The following PIAS1 variants were observed in gnomAD, a reference collection of about 807,000 sequenced individuals.
PIAS1 encodes protein inhibitor of activated STAT 1, also known as E3 SUMO-protein ligase PIAS1.
PIAS1 carries 6 observed loss-of-function variants against 71.3 expected under a neutral mutation model. The ratio of observed to expected loss-of-function variants is 0.08; its 90% confidence interval spans 0.05 to 0.17. The LOEUF (loss-of-function observed/expected upper bound fraction) is 0.17. PIAS1 is among the 10% of genes least tolerant of loss of function. The pLI is 1.00. For missense variants in PIAS1, 555 were observed against 793.6 expected (o/e 0.70, Z 3.61); for synonymous variants, 303 against 292.9 (o/e 1.03, Z -0.35).
At chr15:68,110,641 A>G (rs183887357) in intron 2 of PIAS1, among the ~76,000 whole-genome samples, 1 of 152,170 alleles carries the variant, frequency 6.6e-6, no homozygotes, top group African/African-American at 2.4e-5. Context: ...GCGTGCCTGT[A>G]GTCCCACCTA....
intron 1 of PIAS1, among the ~76,000 whole-genome samples, chr15:68,085,842 T>C (rs1415226505): frequency 6.6e-6 from 1 of 152,230 alleles, no homozygotes; most frequent in Non-Finnish European, 1.5e-5. Context: ...GCTATTGATA[T>C]CCTGCCTACA....
At chr15:68,152,063 C>T (rs931940198) in intron 6 of PIAS1, among the ~76,000 whole-genome samples, 2 of 145,724 alleles carry the variant, frequency 1.4e-5, no homozygotes, top group African/African-American at 5.0e-5. Flanking sequence ...CATTCTCCTG[C>T]CCCAGGCTCC....
chr15:68,073,977 A>G lies in PIAS1; in HGVS notation c.25-12329A>G, dbSNP rs140442294. On this transcript the variant is annotated intron_variant, in intron 1 of 13. Coordinates refer to ENST00000249636, the MANE Select transcript of PIAS1 (RefSeq NM_016166.3). Reference sequence around the variant, plus strand: ...TGACAGGACTTGGTAAATAGATTGGAGGTGAACAAGAAGATGGTGTAGCAG... The same window carrying G: ...TGACAGGACTTGGTAAATAGATTGGGGGTGAACAAGAAGATGGTGTAGCAG... 5.4e-3 allele frequency among the ~76,000 whole-genome samples: 820 copies of G among 152,274 alleles called. 11 individuals carry two copies. The highest frequency in any genetic ancestry group is 0.019 in the African/African-American group (797 of 41,546).
intron 1 of PIAS1, among the ~76,000 whole-genome samples, chr15:68,056,273 C>A (rs921912950): frequency 1.2e-4 from 18 of 152,200 alleles, no homozygotes; most frequent in African/African-American, 4.3e-4. Context: ...ACTCTTGATG[C>A]TGTCCAAAGA....
intron 2 of PIAS1, among the ~76,000 whole-genome samples, chr15:68,120,302 T>G (rs2092602817): frequency 6.6e-6 from 1 of 152,218 alleles, no homozygotes; most frequent in Non-Finnish European, 1.5e-5. Context: ...TTAATTGGGT[T>G]ATTTAGACTA....
chr15:68,087,155 T>G (rs2092290480), intron 2 of PIAS1, among the ~76,000 whole-genome samples: 1 of 151,980 alleles, frequency 6.6e-6, no homozygotes, highest in Non-Finnish European at 1.5e-5. Flanking sequence ...TTTAAATGAG[T>G]GAATGGTTTT....
intron 8 of PIAS1, among the ~76,000 whole-genome samples, chr15:68,166,557 C>T (rs772716495): frequency 1.3e-5 from 2 of 151,956 alleles, no homozygotes; most frequent in African/African-American, 4.8e-5. Flanking sequence ...TCAGAAAATA[C>T]GTTTAGAAAA....
chr15:68,142,452 T>C (rs2092777658), intron 4 of PIAS1, 115 bp downstream of exon 4: 1 of 782,850 alleles, frequency 1.3e-6, no homozygotes, highest in Admixed American at 2.6e-5. Context: ...GTTTAAAAGA[T>C]AATATTCCTT....
intron 1 of PIAS1, among the ~76,000 whole-genome samples, chr15:68,056,516 AG>A (rs1254614025): frequency 6.6e-6 from 1 of 152,070 alleles, no homozygotes; most frequent in East Asian, 1.9e-4. Flanking sequence ...TTCCAGAGGA[AG>A]TTTTTTTTTT....
At chr15:68,149,341 TTTTTAAACATTCTTTC>T (rs1485990015) in intron 6 of PIAS1, among the ~76,000 whole-genome samples, 3 of 151,736 alleles carry the variant, frequency 2.0e-5, no homozygotes, top group Non-Finnish European at 4.4e-5. Flanking sequence ...TTTTTTTTTT[TTTTTAAACATTCTTTC>T]TTCCAGATAA....
rs1173126380 is a variant in PIAS1, at chr15:68,173,490, G to A, written c.1009-242G>A. On this transcript the variant is annotated intron_variant, in intron 8 of 13. Transcript: ENST00000249636. The surrounding 1 kb of genome is among the most constrained non-coding windows in gnomAD (Gnocchi z 4.3). ...GCTGATCTGTGAGCTGTGGATTTTA[G>A]TAAATAACCCTTGTTGTAGACTTTC... Among the ~76,000 whole-genome samples the A allele has an allele frequency of 4.6e-5, 7 of 152,278 alleles. No homozygotes were observed. Among genetic ancestry groups the A allele is most frequent in the East Asian group, 1.9e-4 (1 of 5,176 alleles).
intron 2 of PIAS1, among the ~76,000 whole-genome samples, chr15:68,101,178 G>A (rs1348778631): frequency 1.3e-5 from 2 of 152,118 alleles, no homozygotes; most frequent in African/African-American, 4.8e-5. Flanking sequence ...AGGATTACAG[G>A]TGTGAGCCAC....
intron 2 of PIAS1, among the ~76,000 whole-genome samples, chr15:68,104,634 G>GA (rs1225812371): frequency 2.0e-5 from 3 of 152,110 alleles, no homozygotes; most frequent in Non-Finnish European, 4.4e-5. Context: ...TTACCAGAGG[G>GA]AGACTGTAGT....
rs2093127722 is a variant in PIAS1, at chr15:68,193,105, A to G, written c.*5270A>G. The G allele has an allele frequency of 6.6e-6, 1 of 152,240 alleles. No homozygotes were observed. The highest frequency in any genetic ancestry group is 6.5e-5 in the Admixed American group (1 of 15,270). The allele number at this position is 152,240 out of a possible 1,614,324, so 9.4% of individuals were successfully genotyped here. On this transcript the variant is annotated 3_prime_UTR_variant, in exon 14 of 14. Coordinates refer to ENST00000249636, the MANE Select transcript of PIAS1 (RefSeq NM_016166.3). ...GTTACATCCCCTTATTTCTCTCCGTAAGTCCTGGGGAGGTGGCTTAAGGCA... is the reference window on the plus strand; with the variant it reads ...GTTACATCCCCTTATTTCTCTCCGTGAGTCCTGGGGAGGTGGCTTAAGGCA...
At chr15:68,179,348 T>G (rs1218598619) in intron 11 of PIAS1, among the ~76,000 whole-genome samples, 2 of 152,152 alleles carry the variant, frequency 1.3e-5, no homozygotes, top group Non-Finnish European at 2.9e-5. Context: ...AATCCTCTCT[T>G]ATAATCTCTT....
chr15:68,100,337 A>G (rs948725758), intron 2 of PIAS1, among the ~76,000 whole-genome samples: 1 of 152,170 alleles, frequency 6.6e-6, no homozygotes, highest in African/African-American at 2.4e-5. Context: ...GATTTATCAC[A>G]TGTAACTACC....
Position 68,174,292 on chromosome 15 carries a change from A to G in PIAS1, c.1169+400A>G, listed in dbSNP as rs1178966339. On this transcript the variant is annotated intron_variant, in intron 9 of 13. Coordinates refer to ENST00000249636, the MANE Select transcript of PIAS1 (RefSeq NM_016166.3). This position sits in a 1 kb window ranked among gnomAD's most constrained non-coding sequence, Gnocchi z 4.0. ...CATCCAAAATTGGGCTTTTCAATAG[A>G]AGTTAGCCTATTTCTGGAGATTAGA... Among the ~76,000 whole-genome samples, 1 of 152,190 alleles carries G rather than the reference A, an allele frequency of 6.6e-6. No individual in the cohort carries two copies. The highest frequency in any genetic ancestry group is 1.5e-5 in the Non-Finnish European group (1 of 68,044).
chr15:68,185,010 A>G lies in PIAS1; in HGVS notation c.1662+1343A>G, dbSNP rs1274288533. ...TGCTGTGCCAGCAAAATGGAGAAGT[A>G]CTGTTGAGAGAGTAACATACTTTTC... On this transcript the variant is annotated intron_variant, in intron 13 of 13. Transcript: ENST00000249636. The surrounding 1 kb of genome is among the most constrained non-coding windows in gnomAD (Gnocchi z 4.4). 1 of 153,278 alleles carries G rather than the reference A, an allele frequency of 6.5e-6. No individual in the cohort carries two copies. Among genetic ancestry groups the G allele is most frequent in the Admixed American group, 6.5e-5 (1 of 15,286 alleles). 9.5% of individuals were successfully genotyped at this position (153,278 alleles called of 1,614,324 possible). A position where few individuals can be genotyped will look rare whatever the true frequency, so the allele number is the denominator to read the frequency against.
chr15:68,153,364 T>G (rs922280312), intron 6 of PIAS1, among the ~76,000 whole-genome samples: 2 of 152,160 alleles, frequency 1.3e-5, no homozygotes, highest in African/African-American at 4.8e-5. Flanking sequence ...TTCTTTTACT[T>G]CTCTGTACTT....
Sources: gnomAD v4.1 joint callset for allele counts (sites outside exome capture counted in the v4.1 genomes callset) on GRCh38, gnomAD v4.1.1 for gene constraint, Gnocchi (gnomAD v3.1) non-coding constraint, MANE v1.5 for transcripts, NCBI Gene and HGNC (gene_info 2026-07-23, HGNC 2026-07-21) for gene names.